The following GYPB variants were observed in gnomAD, a reference collection of about 807,000 sequenced individuals.
GYPB encodes glycophorin-B.
In GYPB, 13 loss-of-function variants were observed where a neutral mutation model predicts 15.3. That is an observed-to-expected ratio of 0.85 (90% CI 0.55 to 1.35). GYPB has a LOEUF of 1.35. GYPB is among the 40% of genes most tolerant of loss of function. The pLI is 0.00. For synonymous variants in GYPB, 38 were observed against 36.9 expected (o/e 1.03, Z -0.11); for missense variants, 131 against 108.3 (o/e 1.21, Z -0.93).
At chr4:144,012,112 GT>G (rs1176661294) in intron 1 of GYPB, among the ~76,000 whole-genome samples, 1 of 151,846 alleles carries the variant, frequency 6.6e-6, no homozygotes, top group African/African-American at 2.4e-5. Context: ...CAGCCACACA[GT>G]TAGAGTTCCT....
At chr4:144,008,099 GTTAA>G (rs1355215816) in intron 1 of GYPB, among the ~76,000 whole-genome samples, 1 of 151,522 alleles carries the variant, frequency 6.6e-6, no homozygotes, top group African/African-American at 2.5e-5. Flanking sequence ...ATTGTTAGAT[GTTAA>G]TTATTCTTTG....
chr4:144,015,844 C>G (rs1217249945), intron 1 of GYPB, among the ~76,000 whole-genome samples: 2 of 151,138 alleles, frequency 1.3e-5, no homozygotes, highest in East Asian at 3.9e-4. Flanking sequence ...ATTGTAGATA[C>G]CATCTACTCG....
downstream of GYPB, among the ~76,000 whole-genome samples, chr4:143,995,393 A>G (rs866156336): frequency 4.6e-5 from 7 of 151,258 alleles, no homozygotes; most frequent in African/African-American, 7.4e-5. Flanking sequence ...TGTTTTTAGG[A>G]TGGGAGAAAA....
In GYPB at chr4:144,009,797, T is replaced by G. The variant is rs539828244; in HGVS notation, c.38-8514A>C. The stretch of plus-strand genomic sequence containing the variant: ...CCCGGCTAATTTTTTGTATTTTTAG[T>G]AGAGATGGGGTTTCACTGTGTTAGC... On this transcript the variant is annotated intron_variant, in intron 1 of 4. Coordinates refer to ENST00000502664, the MANE Select transcript of GYPB (RefSeq NM_002100.6). Among the ~76,000 whole-genome samples, 213 of 150,318 alleles carry G rather than the reference T, an allele frequency of 1.4e-3. 9 individuals carry two copies. Among genetic ancestry groups the G allele is most frequent in the African/African-American group, 4.4e-3 (176 of 39,972 alleles).
At chr4:144,005,772 G>A (rs1412935186) in intron 1 of GYPB, among the ~76,000 whole-genome samples, 3 of 151,714 alleles carry the variant, frequency 2.0e-5, no homozygotes, top group South Asian at 4.1e-4. Flanking sequence ...CATTTTCTTA[G>A]CTGCATGGGC....
intron 1 of GYPB, among the ~76,000 whole-genome samples, chr4:144,008,114 T>C (rs893834388): frequency 2.6e-5 from 4 of 151,590 alleles, no homozygotes; most frequent in African/African-American, 9.8e-5. Flanking sequence ...TTATTCTTTG[T>C]GGAGGAGGAA....
At chr4:144,009,432 C>T (rs1728097841) in intron 1 of GYPB, among the ~76,000 whole-genome samples, 1 of 150,540 alleles carries the variant, frequency 6.6e-6, no homozygotes, top group African/African-American at 2.5e-5. Context: ...TGTGGACCAT[C>T]TATTACAAAT....
At chr4:144,002,928 G>A (rs1369392544) in intron 1 of GYPB, among the ~76,000 whole-genome samples, 15 of 151,268 alleles carry the variant, frequency 9.9e-5, no homozygotes, top group Admixed American at 2.0e-4. Context: ...TCCATCATGT[G>A]TTTATAAACG....
chr4:144,014,342 A>G (rs1728380292), intron 1 of GYPB, among the ~76,000 whole-genome samples: 1 of 151,814 alleles, frequency 6.6e-6, no homozygotes, highest in Non-Finnish European at 1.5e-5. Context: ...AACAACACAA[A>G]TTTTAATCAA....
At chr4:144,014,481 C>T (rs887435236) in intron 1 of GYPB, among the ~76,000 whole-genome samples, 1 of 151,594 alleles carries the variant, frequency 6.6e-6, no homozygotes, top group Non-Finnish European at 1.5e-5. Context: ...AATACTGATA[C>T]ACGCTACAAT....
At chr4:144,011,553 T>C (rs1359571358) in intron 1 of GYPB, among the ~76,000 whole-genome samples, 1 of 151,108 alleles carries the variant, frequency 6.6e-6, no homozygotes, top group Non-Finnish European at 1.5e-5. Flanking sequence ...AGCCCAATAA[T>C]ATAGCAACGA....
intron 2 of GYPB, chr4:144,000,425 C>G (rs765102434): frequency 1.2e-5 from 14 of 1,167,210 alleles, no homozygotes; most frequent in Non-Finnish European, 1.4e-5. Context: ...ACAGAAATTT[C>G]TGAAACTTCA....
At chr4:144,011,873 T>C (rs868842967) in intron 1 of GYPB, among the ~76,000 whole-genome samples, 2 of 151,240 alleles carry the variant, frequency 1.3e-5, no homozygotes, top group Non-Finnish European at 3.0e-5. Context: ...GGGAGAACTT[T>C]TGTGGTCTTT....
intron 2 of GYPB, 117 bp downstream of exon 2, chr4:144,001,068 T>G: frequency 6.5e-7 from 1 of 1,543,912 alleles, no homozygotes; most frequent in Admixed American, 1.9e-5. Flanking sequence ...CTGTGTCTAC[T>G]TAGCTCGCAT....
At chr4:144,003,205 A>G (rs1475575676) in intron 1 of GYPB, among the ~76,000 whole-genome samples, 2 of 151,502 alleles carry the variant, frequency 1.3e-5, no homozygotes, top group African/African-American at 4.9e-5. Context: ...AATGTTAGAT[A>G]TGAGCTTTGG....
At chr4:144,014,307 C>T (rs1484382685) in intron 1 of GYPB, among the ~76,000 whole-genome samples, 1 of 151,624 alleles carries the variant, frequency 6.6e-6, no homozygotes, top group Non-Finnish European at 1.5e-5. Context: ...TATAGCAGCA[C>T]TATTCACATT....
intron 2 of GYPB, among the ~76,000 whole-genome samples, chr4:143,999,839 A>G (rs1172164615): frequency 6.6e-6 from 1 of 151,492 alleles, no homozygotes; most frequent in Non-Finnish European, 1.5e-5. Context: ...TGCCAGTCCC[A>G]TGCAAAGAAG....
rs202118754 is a variant in GYPB, at chr4:144,000,410, T to C, written c.136+775A>G. ...TTTTTCTTTTCTGGAGGGGAAACAG[T>C]TGTAACAGAAATTTCTGAAACTTCA... On this transcript the variant is annotated intron_variant, in intron 2 of 4. Transcript: ENST00000502664. 2,558 of 1,137,414 alleles carry C rather than the reference T, an allele frequency of 2.2e-3. 17 individuals are homozygous for C. The highest frequency in any genetic ancestry group is 2.1e-3 in the Non-Finnish European group (1,861 of 888,902). The allele number at this position is 1,137,414 out of a possible 1,614,324, so 70.5% of individuals were successfully genotyped here. A position where few individuals can be genotyped will look rare whatever the true frequency, so the allele number is the denominator to read the frequency against.
intron 2 of GYPB, among the ~76,000 whole-genome samples, chr4:144,000,761 T>C (rs1727580557): frequency 6.6e-6 from 1 of 151,134 alleles, no homozygotes; most frequent in South Asian, 2.1e-4. Flanking sequence ...AGATAAGTAC[T>C]GTGTTATTGG....
Sources: gnomAD v4.1 joint callset for allele counts (sites outside exome capture counted in the v4.1 genomes callset) on GRCh38, gnomAD v4.1.1 for gene constraint, MANE v1.5 for transcripts, NCBI Gene and HGNC (gene_info 2026-07-23, HGNC 2026-07-21) for gene names.